Variants in VCAN observed in about 807,000 individuals in gnomAD.
The protein encoded by VCAN is versican core protein.
A neutral mutation model predicts 245.5 loss-of-function variants in VCAN; 44 were observed. The observed-to-expected ratio is 0.18, with a 90% confidence interval of 0.14 to 0.23. The LOEUF (loss-of-function observed/expected upper bound fraction) is 0.23, where lower values mean the gene tolerates loss of function less well. Among genes scored for constraint, VCAN ranks in the 10% least tolerant of loss-of-function variants. The pLI, the probability that VCAN is intolerant of heterozygous loss-of-function variation, is 1.00. For synonymous variants in VCAN, 1,413 were observed against 1,437.0 expected (o/e 0.98, Z 0.38); for missense variants, 3,793 against 4,057.9 (o/e 0.93, Z 1.77).
intron 12 of VCAN, 43 bp from the exon 13 acceptor site, chr5:83,572,373 T>C: frequency 6.2e-7 from 1 of 1,612,884 alleles, no homozygotes; most frequent in Non-Finnish European, 8.5e-7. Context: ...CTTACGTTAC[T>C]TTTTGACTAG....
chr5:83,503,256 T>G (rs1287689476), intron 5 of VCAN, among the ~76,000 whole-genome samples: 2 of 152,116 alleles, frequency 1.3e-5, no homozygotes, highest in Non-Finnish European at 2.9e-5. Flanking sequence ...AAAAAGAAAG[T>G]GTTGAAAAAG....
Position 83,493,812 on chromosome 5 carries a change from T to A in VCAN, c.629T>A (p.Ile210Asn). 1 of 1,614,076 alleles carries A rather than the reference T, an allele frequency of 6.2e-7. No homozygotes were observed. Among genetic ancestry groups the A allele is most frequent in the Non-Finnish European group, 8.5e-7 (1 of 1,180,002 alleles). Residue 210 changes from isoleucine to asparagine, a missense_variant, in exon 5 of 15, where the codon ATC (isoleucine) becomes AAC (asparagine). Transcript: ENST00000265077. Reference sequence around the variant, plus strand: ...GCCATTTATTTCCCCAGATATCCCATCCGGGCTCCCAGAGTAGGCTGTTAT... The same window carrying A: ...GCCATTTATTTCCCCAGATATCCCAACCGGGCTCCCAGAGTAGGCTGTTAT... ...WLADQTVRYP[I>N]RAPRVGCYGD...
In VCAN at chr5:83,539,837, A is replaced by C. The variant is rs781637490; in HGVS notation, c.6834A>C (p.Gln2278His). 6.2e-7 allele frequency: 1 copy of C among 1,613,940 alleles called. No individual in the cohort carries two copies. Among genetic ancestry groups the C allele is most frequent in the Non-Finnish European group, 8.5e-7 (1 of 1,180,012 alleles). The change falls in exon 8 of 15, where the codon CAA becomes CAC. Residue 2278 changes from glutamine (Q) to histidine (H), a missense_variant. Gln to His is a conservative substitution (Grantham distance 24). Transcript: ENST00000265077. ...TESVNFTEVEQINNTLYPHTS... is the reference protein window; with the variant it reads ...TESVNFTEVEHINNTLYPHTS... ...CAGTGAATTTTACTGAAGTGGAACA[A>C]ATCAATAACACATTATATCCCCACA... is the stretch of plus-strand genomic sequence containing the variant.
chr5:83,539,942 A>T lies in VCAN; in HGVS notation c.6939A>T (p.Pro2313=). 1 of 1,614,120 alleles carries T rather than the reference A, an allele frequency of 6.2e-7. No individual in the cohort carries two copies. ...AAAATGTGGCAAAAGAAGTTGGACC[A>T]CTCGTATCTCAAACAGACATCTTTG... ...RMENVAKEVG[P]LVSQTDIFEG... Residue 2313 remains proline (P), a synonymous_variant, in exon 8 of 15, where the codon CCA becomes CCT. Transcript: ENST00000265077.
chr5:83,568,207 G>A (rs1382497570), intron 12 of VCAN, among the ~76,000 whole-genome samples: 1 of 152,140 alleles, frequency 6.6e-6, no homozygotes, highest in Non-Finnish European at 1.5e-5. Context: ...CACAAAGGAA[G>A]TTGTTAAGAA....
chr5:83,520,014 A>G lies in VCAN; in HGVS notation c.1708A>G (p.Thr570Ala). ...ACTTACAGTTGGATCTGATGAGAGC[A>G]CCTTGATCTTTGACCAAATTCCTGA... ...RTLTVGSDES[T>A]LIFDQIPEVI... Residue 570 changes from threonine to alanine, a missense_variant, in exon 7 of 15, where the codon ACC becomes GCC. Transcript: ENST00000265077. 6.2e-7 allele frequency: 1 copy of G among 1,614,098 alleles called. No individual in the cohort carries two copies.
intron 5 of VCAN, 28 bp downstream of exon 5, chr5:83,493,959 G>C (rs769239194): frequency 1.9e-6 from 3 of 1,613,506 alleles, no homozygotes; most frequent in South Asian, 1.1e-5. Context: ...CTATATCTTC[G>C]TATGAACTGA....
chr5:83,550,881 C>T (rs1307185307), intron 10 of VCAN, among the ~76,000 whole-genome samples: 1 of 97,606 alleles, frequency 1.0e-5, no homozygotes, highest in Non-Finnish European at 2.0e-5. Flanking sequence ...GAGTGAGACT[C>T]CATCTCAAAA....
chr5:83,554,926 C>G (rs771808642), intron 11 of VCAN, 30 bp from the exon 12 acceptor site: 1 of 1,598,572 alleles, frequency 6.3e-7, no homozygotes, highest in Admixed American at 1.7e-5. Context: ...AAAAGTAGTA[C>G]AAATATCTGT....
intron 10 of VCAN, 70 bp from the exon 11 acceptor site, chr5:83,553,294 C>T: frequency 1.9e-6 from 3 of 1,589,458 alleles, no homozygotes; most frequent in Non-Finnish European, 2.6e-6. Flanking sequence ...ATCCTACTAA[C>T]ACTTGGTTGG....
At chr5:83,478,005 C>T (rs1274497611) in intron 1 of VCAN, among the ~76,000 whole-genome samples, 2 of 148,850 alleles carry the variant, frequency 1.3e-5, no homozygotes, top group East Asian at 2.0e-4. Context: ...TGCAGTGGCA[C>T]GATCTCAGCT....
At chr5:83,567,267 G>T (rs1748117683) in intron 12 of VCAN, among the ~76,000 whole-genome samples, 1 of 151,720 alleles carries the variant, frequency 6.6e-6, no homozygotes, top group South Asian at 2.1e-4. Flanking sequence ...TTACATCTGA[G>T]TTGGCTTTCC....
chr5:83,490,693 A>G (rs992972250), intron 3 of VCAN, among the ~76,000 whole-genome samples: 2 of 152,214 alleles, frequency 1.3e-5, no homozygotes. Context: ...CCATGAAGGA[A>G]AGTATTGTAT....
chr5:83,483,531 A>G lies in VCAN; in HGVS notation c.13A>G (p.Ile5Val). Residue 5 changes from isoleucine to valine, a missense_variant, in exon 2 of 15, where the codon ATA (isoleucine) becomes GTA (valine). By Grantham distance (29) the Ile-to-Val change is conservative. Transcript: ENST00000265077. ...TTTCTAGGCCAAGATGTTCATAAATATAAAGAGCATCTTATGGATGTGTTC... is the reference window on the plus strand; with the variant it reads ...TTTCTAGGCCAAGATGTTCATAAATGTAAAGAGCATCTTATGGATGTGTTC... MFIN[I>V]KSILWMCSTL... 1 of 1,613,412 alleles carries G rather than the reference A, an allele frequency of 6.2e-7. No homozygotes were observed. The highest frequency in any genetic ancestry group is 8.5e-7 in the Non-Finnish European group (1 of 1,179,520).
At position 83,537,517 on chromosome 5, in the gene VCAN, C is replaced by T. The variant is rs769152131; in HGVS notation, c.4514C>T (p.Pro1505Leu). ...GAGCCTGATGTTTTCCCCACAGTCC[C>T]ATTCCATGAGGAATTTGAAAGTGGA... is the stretch of plus-strand genomic sequence containing the variant. The part of the protein sequence containing the change: ...GGEPDVFPTV[P>L]FHEEFESGTA... Residue 1505 changes from proline to leucine, a missense_variant, in exon 8 of 15, where the codon CCA becomes CTA. This residue lies in a region of VCAN where 3,182 missense variants were observed against 3,250.3 expected (regional missense o/e 0.98). Coordinates refer to ENST00000265077, the MANE Select transcript of VCAN (RefSeq NM_004385.5). 17 of 1,613,924 alleles carry T rather than the reference C, an allele frequency of 1.1e-5. No homozygotes were observed. In the East Asian group the frequency reaches 3.8e-4, roughly 36 times the overall value.
chr5:83,568,014 C>T (rs1419912912), intron 12 of VCAN, among the ~76,000 whole-genome samples: 2 of 152,094 alleles, frequency 1.3e-5, no homozygotes, highest in Non-Finnish European at 2.9e-5. Flanking sequence ...TATGAGACAC[C>T]ATATTGTGCA....
chr5:83,486,111 T>C (rs1339794932), intron 2 of VCAN, among the ~76,000 whole-genome samples: 1 of 152,018 alleles, frequency 6.6e-6, no homozygotes, highest in Non-Finnish European at 1.5e-5. Context: ...CCAGCCTGGA[T>C]GTCAAAGTGA....
At chr5:83,507,380 C>G (rs528715013) in intron 5 of VCAN, among the ~76,000 whole-genome samples, 2 of 152,330 alleles carry the variant, frequency 1.3e-5, no homozygotes, top group South Asian at 2.1e-4. Flanking sequence ...GTCATTTTCT[C>G]TCACTGAAGG....
chr5:83,493,921 T>A lies in VCAN; in HGVS notation c.738T>A (p.Asp246Glu), dbSNP rs1011389266. 6.2e-7 allele frequency: 1 copy of A among 1,614,114 alleles called. No individual in the cohort carries two copies. Among genetic ancestry groups the A allele is most frequent in the African/African-American group, 1.3e-5 (1 of 75,036 alleles). The change falls in exon 5 of 15, where the codon GAT becomes GAA. Residue 246 changes from aspartate (D) to glutamate (E), a missense_variant. Physicochemically the swap from Asp to Glu is conservative, Grantham distance 45. Around this residue, in one of 5 missense-constraint regions of VCAN, gnomAD observed 190 missense variants for 288.6 expected, o/e 0.66. Transcript: ENST00000265077. Reference sequence around the variant, plus strand: ...CTTACGATGTGTATTGTTATGTGGATCATCTGGATGGTAAGATGTTTGAGT... The same window carrying A: ...CTTACGATGTGTATTGTTATGTGGAACATCTGGATGGTAAGATGTTTGAGT... ...QETYDVYCYV[D>E]HLDGDVFHLT...
Sources: gnomAD v4.1 joint callset for allele counts (sites outside exome capture counted in the v4.1 genomes callset) on GRCh38, gnomAD v4.1.1 for gene constraint, gnomAD v4.1.1 regional missense constraint, MANE v1.5 for transcripts, NCBI Gene and HGNC (gene_info 2026-07-23, HGNC 2026-07-21) for gene names.